SNX2: variants seen among roughly 807,000 people sequenced by gnomAD.
SNX2 encodes the protein sorting nexin 2, also known as sorting nexin-2.
Under a neutral mutation model 69.9 loss-of-function variants are expected in SNX2, and 25 were observed. The observed-to-expected ratio is 0.36, with a 90% CI of 0.26 to 0.50. The LOEUF (loss-of-function observed/expected upper bound fraction) is 0.50. Ranked by LOEUF, SNX2 falls within the 20% of genes least tolerant of loss-of-function variation. The probability of loss-of-function intolerance (pLI) is 0.97; values close to 1 mark genes in which losing one functional copy is unlikely to be tolerated. For synonymous variants in SNX2, 229 were observed against 200.4 expected, an observed-to-expected ratio of 1.14 and a Z score of -1.20; for missense variants, 551 against 613.3, an observed-to-expected ratio of 0.90 and a Z score of 1.07.
chr5:122,822,629 T>C (rs1561475294), intron 11 of SNX2, among the ~76,000 whole-genome samples: 2 of 152,208 alleles, frequency 1.3e-5, no homozygotes, highest in Non-Finnish European at 2.9e-5. Flanking sequence ...CATTTCAAAA[T>C]ATTGCCTAAG....
At chr5:122,802,710 G>C (rs3776190) in intron 5 of SNX2, among the ~76,000 whole-genome samples, 30,988 of 152,138 alleles carry the variant, frequency 0.2, 3,586 homozygotes, top group East Asian at 0.46. Flanking sequence ...TTAAAGGATT[G>C]TATGCCTTTA....
chr5:122,817,582 C>T (rs1468646895), intron 10 of SNX2, among the ~76,000 whole-genome samples: 1 of 151,448 alleles, frequency 6.6e-6, no homozygotes, highest in Non-Finnish European at 1.5e-5. Flanking sequence ...AAATAACGAG[C>T]TTAGAAAATT....
At chr5:122,794,016 C>T (rs374052233) in intron 1 of SNX2, among the ~76,000 whole-genome samples, 1 of 151,248 alleles carries the variant, frequency 6.6e-6, no homozygotes, top group East Asian at 2.0e-4. Flanking sequence ...ACTCATTATA[C>T]GTTAGGGTTA....
In SNX2 at chr5:122,820,617, G is replaced by C. The variant is rs573497768; in HGVS notation, c.1212+1594G>C. Reference sequence around the variant, plus strand: ...GGCAGTGATGGCCTGCCTGTGTAATGGATATTGATCCCTCAAAAATAGCTT... The same window carrying C: ...GGCAGTGATGGCCTGCCTGTGTAATCGATATTGATCCCTCAAAAATAGCTT... On this transcript the variant is annotated intron_variant, in intron 11 of 14. Coordinates refer to ENST00000379516, the MANE Select transcript of SNX2 (RefSeq NM_003100.4). 3.9e-4 allele frequency among the ~76,000 whole-genome samples: 60 copies of C among 152,106 alleles called. No individual in the cohort carries two copies. In the South Asian group the frequency reaches 0.01, roughly 26 times the overall value.
chr5:122,803,336 A>G (rs1425002975), intron 5 of SNX2, 136 bp from the exon 6 acceptor site: 4 of 736,370 alleles, frequency 5.4e-6, no homozygotes, highest in South Asian at 2.8e-5. Context: ...TTAGAAACCT[A>G]TATACCACAT....
chr5:122,802,159 C>A, intron 5 of SNX2, 35 bp downstream of exon 5: 3 of 1,569,742 alleles, frequency 1.9e-6, no homozygotes, highest in South Asian at 1.1e-5. Context: ...AACTATCGAG[C>A]CCTCATTATG....
intron 1 of SNX2, chr5:122,775,781 TTTTG>T (rs753666563): frequency 4.8e-5 from 47 of 985,348 alleles, no homozygotes; most frequent in Non-Finnish European, 5.4e-5. Context: ...ATTTGCCTCT[TTTTG>T]TTTGTCTTTA....
rs1208091473 is a variant in SNX2, at chr5:122,830,585, T to C, written c.*937T>C. The stretch of plus-strand genomic sequence containing the variant: ...GGTACCATGTTAAAATATACCATGA[T>C]TTGATGAATAAGCAAGCACAACACA... On this transcript the variant is annotated 3_prime_UTR_variant, in exon 15 of 15. Coordinates refer to ENST00000379516, the MANE Select transcript of SNX2 (RefSeq NM_003100.4). Among the ~76,000 whole-genome samples, 1 of 152,060 alleles carries C rather than the reference T, an allele frequency of 6.6e-6. No individual in the cohort carries two copies. The highest frequency in any genetic ancestry group is 1.5e-5 in the Non-Finnish European group (1 of 67,998).
At chr5:122,800,516 A>C (rs1371617590) in intron 3 of SNX2, among the ~76,000 whole-genome samples, 3 of 152,204 alleles carry the variant, frequency 2.0e-5, no homozygotes, top group Non-Finnish European at 2.9e-5. Context: ...AAAACAGATA[A>C]AAGTAAAGTA....
rs1754246953 is a variant in SNX2 at position 122,829,904 on chromosome 5, C to G, written c.*256C>G. ...CTGCAATACTTTGCTGAATTGAACA[C>G]TATTGTGTCTTAAATACTTGCACTA... is the stretch of plus-strand genomic sequence containing the variant. On this transcript the variant is annotated 3_prime_UTR_variant, in exon 15 of 15. Coordinates refer to ENST00000379516, the MANE Select transcript of SNX2 (RefSeq NM_003100.4). 5 of 500,470 alleles carry G rather than the reference C, an allele frequency of 1.0e-5. No individual in the cohort carries two copies. The highest frequency in any genetic ancestry group is 1.9e-5 in the African/African-American group (1 of 51,594). The allele number at this position is 500,470 out of a possible 1,614,324, so 31.0% of individuals were successfully genotyped here.
At chr5:122,778,951 G>T (rs1459097019) in intron 1 of SNX2, among the ~76,000 whole-genome samples, 4 of 152,100 alleles carry the variant, frequency 2.6e-5, no homozygotes, top group Admixed American at 6.5e-5. Context: ...AAAAAAATCT[G>T]GCAAAAGCCT....
At chr5:122,797,541 C>T (rs1255339246) in intron 2 of SNX2, among the ~76,000 whole-genome samples, 2 of 152,194 alleles carry the variant, frequency 1.3e-5, no homozygotes, top group Non-Finnish European at 2.9e-5. Flanking sequence ...GTGTAGCATT[C>T]CTCCTTCTAT....
chr5:122,798,847 G>A (rs915422879), intron 2 of SNX2, among the ~76,000 whole-genome samples: 13 of 152,036 alleles, frequency 8.6e-5, no homozygotes, highest in African/African-American at 3.1e-4. Flanking sequence ...TCAAATTGTA[G>A]TGTTTGTTCT....
intron 1 of SNX2, among the ~76,000 whole-genome samples, chr5:122,779,173 A>G (rs187708823): frequency 7.9e-5 from 12 of 152,340 alleles, no homozygotes; most frequent in Admixed American, 7.8e-4. Flanking sequence ...TATGATTTAT[A>G]TATCATATAA....
At chr5:122,811,850 T>TAAATAAATAAATAAATAAAA in intron 7 of SNX2, among the ~76,000 whole-genome samples, 1 of 151,018 alleles carries the variant, frequency 6.6e-6, no homozygotes, top group Middle Eastern at 3.4e-3. Flanking sequence ...AATAAATAAA[T>TAAATAAATAAATAAATAAAA]AAATAAATAA....
chr5:122,791,289 A>C (rs561598950), intron 1 of SNX2, among the ~76,000 whole-genome samples: 21 of 151,736 alleles, frequency 1.4e-4, no homozygotes, highest in Non-Finnish European at 2.9e-4. Flanking sequence ...ATGCCCGGCT[A>C]CTTTTTTTTT....
intron 1 of SNX2, among the ~76,000 whole-genome samples, chr5:122,794,710 T>TCCAAAAAGGATGACTAGAAAAGGTTTTC (rs1753335572): frequency 6.6e-6 from 1 of 152,090 alleles, no homozygotes; most frequent in African/African-American, 2.4e-5. Context: ...AACTAGTACC[T>TCCAAAAAGGATGACTAGAAAAGGTTTTC]CCAAAAAGGA....
chr5:122,805,865 C>G (rs1170135433), intron 6 of SNX2, among the ~76,000 whole-genome samples: 3 of 152,102 alleles, frequency 2.0e-5, no homozygotes, highest in African/African-American at 7.2e-5. Flanking sequence ...ACTGCAAGCT[C>G]TGTCTCCCGG....
chr5:122,826,323 AG>A, intron 12 of SNX2, 130 bp downstream of exon 12: 1 of 728,122 alleles, frequency 1.4e-6, no homozygotes, highest in Non-Finnish European at 2.1e-6. Flanking sequence ...GAACTGTGTT[AG>A]AATTACTTTA....
Sources: gnomAD v4.1 joint callset for allele counts (sites outside exome capture counted in the v4.1 genomes callset) on GRCh38, gnomAD v4.1.1 for gene constraint, MANE v1.5 for transcripts, NCBI Gene and HGNC (gene_info 2026-07-23, HGNC 2026-07-21) for gene names.